ADAMTSL1: variants seen among roughly 807,000 people sequenced by gnomAD.
ADAMTSL1 encodes the protein ADAMTS-like protein 1.
Under a neutral mutation model 201.8 loss-of-function variants are expected in ADAMTSL1, and 126 were observed. The observed-to-expected ratio is 0.62, with a 90% CI of 0.54 to 0.72. ADAMTSL1 has a LOEUF of 0.72. Ranked by LOEUF, ADAMTSL1 falls within the 30% of genes least tolerant of loss-of-function variation. The probability of loss-of-function intolerance (pLI) is 0.00; values close to 1 mark genes in which losing one functional copy is unlikely to be tolerated. For missense variants in ADAMTSL1, 2,679 were observed against 2,277.8 expected, an observed-to-expected ratio of 1.18 and a Z score of -3.59; for synonymous variants, 1,121 against 903.4, an observed-to-expected ratio of 1.24 and a Z score of -4.32.
chr9:18,748,961 G>C (rs917745386), intron 15 of ADAMTSL1, among the ~76,000 whole-genome samples: 5 of 152,158 alleles, frequency 3.3e-5, no homozygotes, highest in African/African-American at 1.2e-4. Flanking sequence ...GTGGCTCCCG[G>C]CACTCTTCGG....
chr9:18,054,870 A>G (rs1822104988), intron 1 of ADAMTSL1, among the ~76,000 whole-genome samples: 1 of 152,192 alleles, frequency 6.6e-6, no homozygotes, highest in Non-Finnish European at 1.5e-5. Flanking sequence ...TAATGTGTGA[A>G]GTTCCCCTGC....
At chr9:18,707,923 C>G (rs1016313076) in intron 14 of ADAMTSL1, among the ~76,000 whole-genome samples, 2 of 152,202 alleles carry the variant, frequency 1.3e-5, no homozygotes, top group East Asian at 3.8e-4. Context: ...AGATTACGAA[C>G]TTTCTTCCCA....
intron 2 of ADAMTSL1, among the ~76,000 whole-genome samples, chr9:18,174,783 C>A (rs933514593): frequency 3.9e-5 from 6 of 152,070 alleles, no homozygotes; most frequent in African/African-American, 1.4e-4. Context: ...AAATTTGTAT[C>A]CTGTTTTCCC....
chr9:18,584,586 C>G (rs764137944), intron 4 of ADAMTSL1, among the ~76,000 whole-genome samples: 2 of 151,658 alleles, frequency 1.3e-5, no homozygotes, highest in Non-Finnish European at 1.5e-5. Context: ...TTCATCATCT[C>G]TTTCTAAGGC....
Position 17,970,825 on chromosome 9 carries a change from T to C in ADAMTSL1, c.87+63903T>C, listed in dbSNP as rs117157361. 4.6e-3 allele frequency among the ~76,000 whole-genome samples: 702 copies of C among 152,116 alleles called. 6 individuals carry two copies. Among genetic ancestry groups the C allele is most frequent in the Middle Eastern group, 0.017 (5 of 294 alleles). The stretch of plus-strand genomic sequence containing the variant: ...CTGGCACTGAATTTGCCAAAAAATA[T>C]TTATGTCTTTTCCCTGTGAAACTCC... On this transcript the variant is annotated intron_variant, in intron 1 of 29. Transcript: ENST00000680146.
At chr9:18,460,033 C>A (rs1328694692) in intron 2 of ADAMTSL1, among the ~76,000 whole-genome samples, 1 of 152,038 alleles carries the variant, frequency 6.6e-6, no homozygotes, top group Non-Finnish European at 1.5e-5. Flanking sequence ...AACAGGAAAA[C>A]CTACTAATGC....
intron 2 of ADAMTSL1, among the ~76,000 whole-genome samples, chr9:18,466,018 T>TG (rs1484116171): frequency 1.3e-5 from 2 of 152,232 alleles, no homozygotes; most frequent in Non-Finnish European, 2.9e-5. Flanking sequence ...CCCAAAGTGC[T>TG]GGGATTACAG....
At chr9:18,129,623 A>T (rs536993416) in intron 1 of ADAMTSL1, among the ~76,000 whole-genome samples, 1 of 152,208 alleles carries the variant, frequency 6.6e-6, no homozygotes, top group African/African-American at 2.4e-5. Flanking sequence ...GTAAACTTGT[A>T]TATGTTTATT....
intron 1 of ADAMTSL1, among the ~76,000 whole-genome samples, chr9:18,496,487 T>G (rs895941450): frequency 6.6e-6 from 1 of 152,150 alleles, no homozygotes; most frequent in Non-Finnish European, 1.5e-5. Context: ...TTACACCACA[T>G]TTTTTTCTTG....
intron 16 of ADAMTSL1, among the ~76,000 whole-genome samples, chr9:18,767,569 A>G (rs1375243142): frequency 6.6e-6 from 1 of 152,254 alleles, no homozygotes; most frequent in African/African-American, 2.4e-5. Context: ...AACCTTAGTT[A>G]TCCATAGCAA....
At chr9:18,556,787 A>T (rs1821133940) in intron 3 of ADAMTSL1, among the ~76,000 whole-genome samples, 1 of 152,024 alleles carries the variant, frequency 6.6e-6, no homozygotes, top group African/African-American at 2.4e-5. Context: ...CTCATATGTT[A>T]AGCCATTCAT....
intron 4 of ADAMTSL1, among the ~76,000 whole-genome samples, chr9:18,598,032 C>T (rs1382327451): frequency 6.6e-6 from 1 of 152,120 alleles, no homozygotes; most frequent in Non-Finnish European, 1.5e-5. Context: ...GGACTGACTG[C>T]TTGTGATCCA....
chr9:18,695,515 C>A (rs746142424), intron 13 of ADAMTSL1, among the ~76,000 whole-genome samples: 1 of 152,226 alleles, frequency 6.6e-6, no homozygotes, highest in African/African-American at 2.4e-5. Context: ...ATCCAGGTCA[C>A]ATCTGGAACA....
At chr9:18,376,864 G>A (rs961459184) in intron 2 of ADAMTSL1, among the ~76,000 whole-genome samples, 1 of 152,128 alleles carries the variant, frequency 6.6e-6, no homozygotes, top group African/African-American at 2.4e-5. Context: ...TACACTATTT[G>A]ATTGACCACA....
chr9:18,124,573 G>A (rs930762663), intron 1 of ADAMTSL1, among the ~76,000 whole-genome samples: 30 of 152,184 alleles, frequency 2.0e-4, no homozygotes, highest in African/African-American at 6.3e-4. Flanking sequence ...ATGCATAAAA[G>A]TTTTGAATTT....
chr9:18,585,176 A>G (rs1823401417), intron 4 of ADAMTSL1, among the ~76,000 whole-genome samples: 1 of 152,158 alleles, frequency 6.6e-6, no homozygotes, highest in African/African-American at 2.4e-5. Flanking sequence ...TATTCATGGA[A>G]GGGATTCTTC....
At chr9:18,266,982 G>A (rs995042753) in intron 2 of ADAMTSL1, among the ~76,000 whole-genome samples, 2 of 152,076 alleles carry the variant, frequency 1.3e-5, no homozygotes, top group Non-Finnish European at 2.9e-5. Context: ...GTACACAGCA[G>A]GAATGAGTTT....
chr9:18,850,342 A>C (rs748527904), intron 23 of ADAMTSL1, among the ~76,000 whole-genome samples: 1 of 152,242 alleles, frequency 6.6e-6, no homozygotes, highest in Non-Finnish European at 1.5e-5. Context: ...TCTTTCCCCA[A>C]TAAATCCTTC....
intron 2 of ADAMTSL1, among the ~76,000 whole-genome samples, chr9:18,311,597 T>A (rs1405394589): frequency 6.6e-6 from 1 of 152,082 alleles, no homozygotes; most frequent in Non-Finnish European, 1.5e-5. Flanking sequence ...ACAGATAGAA[T>A]TGGCCTCAAG....
Sources: gnomAD v4.1 joint callset for allele counts (sites outside exome capture counted in the v4.1 genomes callset) on GRCh38, gnomAD v4.1.1 for gene constraint, MANE v1.5 for transcripts, NCBI Gene and HGNC (gene_info 2026-07-23, HGNC 2026-07-21) for gene names.